CDH8: variants seen among roughly 807,000 people sequenced by gnomAD.
The protein encoded by CDH8 is cadherin-8.
A neutral mutation model predicts 68.1 loss-of-function variants in CDH8; 17 were observed. That is an observed-to-expected ratio of 0.25 (90% CI 0.17 to 0.37). The LOEUF (loss-of-function observed/expected upper bound fraction) is 0.37, where lower values mean the gene tolerates loss of function less well. Ranked by LOEUF, CDH8 falls within the 10% of genes least tolerant of loss-of-function variation. The pLI, the probability that CDH8 is intolerant of heterozygous loss-of-function variation, is 1.00. For missense variants in CDH8, 763 were observed against 999.3 expected (o/e 0.76, Z 3.19); for synonymous variants, 372 against 365.1 (o/e 1.02, Z -0.21).
At chr16:62,016,943 C>T (rs921785125) in intron 2 of CDH8, among the ~76,000 whole-genome samples, 4 of 152,094 alleles carry the variant, frequency 2.6e-5, no homozygotes, top group Non-Finnish European at 5.9e-5. Context: ...ATGCCCACTA[C>T]CTCAAAGAAA....
Position 61,694,152 on chromosome 16 carries a change from T to C in CDH8, c.1654+19689A>G, listed in dbSNP as rs146051653. 1.2e-4 allele frequency among the ~76,000 whole-genome samples: 18 copies of C among 152,294 alleles called. No individual in the cohort carries two copies. The South Asian group carries it at 1.2e-3, about 11-fold the overall frequency. ...AAAATTGACTTTTGTTTGTTTGTTTTACTGGTGCCACACTGCATCTTGGCA... is the reference window on the plus strand; with the variant it reads ...AAAATTGACTTTTGTTTGTTTGTTTCACTGGTGCCACACTGCATCTTGGCA... On this transcript the variant is annotated intron_variant, in intron 10 of 11. Coordinates refer to ENST00000577390, the MANE Select transcript of CDH8 (RefSeq NM_001796.5).
At position 61,648,857 on chromosome 16, in the gene CDH8, G is replaced by A. The variant is rs1382239919; in HGVS notation, c.*4751C>T. ...CGCTAGGTCTGTGCTCAAAATACTA[G>A]GACTAGAATATCTTCAATAGCAACA... On this transcript the variant is annotated 3_prime_UTR_variant, in exon 12 of 12. Coordinates refer to ENST00000577390, the MANE Select transcript of CDH8 (RefSeq NM_001796.5). The A allele has an allele frequency of 6.6e-6, 1 of 151,760 alleles. No homozygotes were observed. The highest frequency in any genetic ancestry group is 2.4e-5 in the African/African-American group (1 of 41,350). 9.4% of individuals were successfully genotyped at this position (151,760 alleles called of 1,614,324 possible).
intron 8 of CDH8, among the ~76,000 whole-genome samples, chr16:61,784,718 A>G (rs2142993246): frequency 6.7e-6 from 1 of 149,160 alleles, no homozygotes; most frequent in Non-Finnish European, 1.5e-5. Flanking sequence ...GTAAAAGAAC[A>G]GAAATTATAA....
intron 2 of CDH8, among the ~76,000 whole-genome samples, chr16:61,976,219 G>A (rs190112706): frequency 6.6e-6 from 1 of 152,296 alleles, no homozygotes; most frequent in East Asian, 1.9e-4. Flanking sequence ...ATTTGGAGAG[G>A]TTGCTTAAAC....
At chr16:62,035,255 C>T (rs1033841271) in intron 1 of CDH8, 4 of 152,334 alleles carry the variant, frequency 2.6e-5, no homozygotes, top group Admixed American at 1.3e-4. Flanking sequence ...CTCAAAGGTT[C>T]CCGGATGAGA....
chr16:61,821,135 T>C (rs559358081), intron 5 of CDH8, 22 bp from the exon 6 acceptor site: 2 of 1,578,400 alleles, frequency 1.3e-6, no homozygotes, highest in African/African-American at 1.4e-5. Context: ...GGAGAAACAA[T>C]GAGAGTCACA....
intron 7 of CDH8, among the ~76,000 whole-genome samples, chr16:61,789,831 A>G (rs1206660492): frequency 6.6e-6 from 1 of 152,064 alleles, no homozygotes; most frequent in African/African-American, 2.4e-5. Context: ...ATATCATATA[A>G]AACAATGAAT....
intron 8 of CDH8, among the ~76,000 whole-genome samples, chr16:61,753,427 A>G (rs957602826): frequency 6.6e-6 from 1 of 152,088 alleles, no homozygotes; most frequent in East Asian, 1.9e-4. Context: ...TGTAGTAGAG[A>G]CAGCTTTTCA....
intron 2 of CDH8, among the ~76,000 whole-genome samples, chr16:61,980,935 T>C (rs1350849521): frequency 6.6e-6 from 1 of 152,218 alleles, no homozygotes; most frequent in African/African-American, 2.4e-5. Flanking sequence ...GTTCTGCAAC[T>C]TACCAGTTGC....
At chr16:61,754,108 A>C (rs1474806889) in intron 8 of CDH8, among the ~76,000 whole-genome samples, 2 of 152,144 alleles carry the variant, frequency 1.3e-5, no homozygotes, top group Non-Finnish European at 2.9e-5. Flanking sequence ...GAAAACTTCC[A>C]GGTTCTCAAA....
chr16:61,861,204 G>A (rs1042824563), intron 3 of CDH8, among the ~76,000 whole-genome samples: 1 of 152,114 alleles, frequency 6.6e-6, no homozygotes, highest in African/African-American at 2.4e-5. Context: ...TTTTCAGGCA[G>A]TTTGATACAA....
chr16:61,982,170 C>G (rs1010001458), intron 2 of CDH8, among the ~76,000 whole-genome samples: 7 of 152,068 alleles, frequency 4.6e-5, no homozygotes, highest in African/African-American at 1.7e-4. Context: ...AACTCATATT[C>G]CCTGAGCAAG....
chr16:61,993,232 T>G (rs1273000463), intron 2 of CDH8, among the ~76,000 whole-genome samples: 3 of 152,190 alleles, frequency 2.0e-5, no homozygotes, highest in African/African-American at 7.2e-5. Context: ...CCATTATCTC[T>G]AACTTTAATC....
At chr16:61,740,242 T>C (rs756265075) in intron 8 of CDH8, among the ~76,000 whole-genome samples, 1 of 151,962 alleles carries the variant, frequency 6.6e-6, no homozygotes, top group East Asian at 1.9e-4. Flanking sequence ...CTGCAGCCAA[T>C]GCACAAGTAT....
chr16:61,654,783 G>A (rs142288652), intron 11 of CDH8, among the ~76,000 whole-genome samples: 54 of 152,218 alleles, frequency 3.5e-4, no homozygotes, highest in African/African-American at 1.2e-3. Context: ...AAAGACAGAT[G>A]GAACAAGAAA....
chr16:61,824,972 T>A (rs771508033), intron 5 of CDH8, 40 bp downstream of exon 5: 2 of 1,514,990 alleles, frequency 1.3e-6, no homozygotes, highest in East Asian at 4.5e-5. Context: ...AATGGAAACA[T>A]CATACCAAGA....
chr16:61,778,425 G>C (rs756927609), intron 8 of CDH8, among the ~76,000 whole-genome samples: 2 of 151,990 alleles, frequency 1.3e-5, no homozygotes, highest in Non-Finnish European at 1.5e-5. Context: ...CAAACATATT[G>C]GCTATGCAAT....
In CDH8 at chr16:62,036,432, T is replaced by C. The variant is rs971375189; in HGVS notation, c.-552A>G. 3 of 152,512 alleles carry C rather than the reference T, an allele frequency of 2.0e-5. No homozygotes were observed. The highest frequency in any genetic ancestry group is 2.9e-5 in the Non-Finnish European group (2 of 68,270). The allele number at this position is 152,512 out of a possible 1,614,324, so 9.4% of individuals were successfully genotyped here. A position where few individuals can be genotyped will look rare whatever the true frequency, so the allele number is the denominator to read the frequency against. On this transcript the variant is annotated 5_prime_UTR_variant, in exon 1 of 12. Transcript: ENST00000577390. ...TGCGAGCCCGCCTGCCTGCCAAATGTAACTGTGAAGTGATGTGGAAAAGTG... is the reference window on the plus strand; with the variant it reads ...TGCGAGCCCGCCTGCCTGCCAAATGCAACTGTGAAGTGATGTGGAAAAGTG...
chr16:61,922,384 A>C (rs963248030), intron 2 of CDH8, among the ~76,000 whole-genome samples: 1 of 152,186 alleles, frequency 6.6e-6, no homozygotes, highest in Non-Finnish European at 1.5e-5. Flanking sequence ...CAAATTAAAT[A>C]AGCATACAGA....
Sources: allele counts gnomAD v4.1 joint callset (sites outside exome capture counted in the v4.1 genomes callset), GRCh38; gene constraint gnomAD v4.1.1; transcripts MANE v1.5; gene names NCBI Gene and HGNC (gene_info 2026-07-23, HGNC 2026-07-21).